Variants in DLC1 observed in about 807,000 individuals in gnomAD.
DLC1 encodes the protein DLC1 Rho GTPase activating protein.
DLC1 carries 54 observed loss-of-function variants against 140.3 expected under a neutral mutation model. That is an observed-to-expected ratio of 0.38 (90% CI 0.31 to 0.48). DLC1 has a LOEUF of 0.48. Ranked by LOEUF, DLC1 falls within the 20% of genes least tolerant of loss-of-function variation. The pLI, the probability that DLC1 is intolerant of heterozygous loss-of-function variation, is 0.96. For synonymous variants in DLC1, 986 were observed against 728.1 expected, an observed-to-expected ratio of 1.35 and a Z score of -5.70; for missense variants, 2,536 against 1,907.0, an observed-to-expected ratio of 1.33 and a Z score of -6.14.
chr8:13,112,770 C>T (rs2128948536), intron 6 of DLC1, among the ~76,000 whole-genome samples: 1 of 152,252 alleles, frequency 6.6e-6, no homozygotes, highest in East Asian at 1.9e-4. Context: ...TGGCCTTGAA[C>T]TCCTGGCCTC....
intron 1 of DLC1, among the ~76,000 whole-genome samples, chr8:13,553,963 C>T (rs1376414360): frequency 6.6e-6 from 1 of 152,094 alleles, no homozygotes; most frequent in African/African-American, 2.4e-5. Context: ...TCTAACATCC[C>T]TGCCCCCTTG....
At chr8:13,102,987 A>G (rs1035958142) in intron 7 of DLC1, 134 bp from the exon 8 acceptor site, 2 of 714,122 alleles carry the variant, frequency 2.8e-6, no homozygotes, top group Admixed American at 6.0e-5. Flanking sequence ...CTAGAGGAGT[A>G]TTAGAAACTT....
chr8:13,393,485 T>C, intron 4 of DLC1, 68 bp downstream of exon 4: 1 of 1,484,978 alleles, frequency 6.7e-7, no homozygotes, highest in Non-Finnish European at 9.1e-7. Flanking sequence ...ATCGAATGAA[T>C]ATCAACTCTT....
At chr8:13,352,442 G>A (rs751413427) in intron 4 of DLC1, among the ~76,000 whole-genome samples, 55 of 152,044 alleles carry the variant, frequency 3.6e-4, no homozygotes, top group Non-Finnish European at 2.2e-4. Context: ...ACTGCAGTGG[G>A]GTGATCACAG....
intron 2 of DLC1, among the ~76,000 whole-genome samples, chr8:13,407,123 T>C (rs532963777): frequency 6.6e-6 from 1 of 152,342 alleles, no homozygotes; most frequent in East Asian, 1.9e-4. Flanking sequence ...CAATTTGATT[T>C]ACTGTCAGAA....
chr8:13,129,600 C>T (rs954043644), intron 5 of DLC1, among the ~76,000 whole-genome samples: 11 of 152,180 alleles, frequency 7.2e-5, no homozygotes, highest in African/African-American at 2.7e-4. Context: ...AGTTCTCTCC[C>T]ACTAGATCCC....
intron 5 of DLC1, among the ~76,000 whole-genome samples, chr8:13,134,221 G>C (rs144589289): frequency 6.6e-6 from 1 of 152,306 alleles, no homozygotes; most frequent in African/African-American, 2.4e-5. Context: ...AAAAAATCCA[G>C]AACTGGATTC....
intron 1 of DLC1, among the ~76,000 whole-genome samples, chr8:13,569,954 G>A (rs1002841959): frequency 1.3e-5 from 2 of 152,164 alleles, no homozygotes; most frequent in African/African-American, 4.8e-5. Flanking sequence ...TGGAATTCCT[G>A]AGCTCAAGCA....
intron 5 of DLC1, among the ~76,000 whole-genome samples, chr8:13,212,538 T>C (rs894244376): frequency 6.6e-6 from 1 of 152,102 alleles, no homozygotes. Flanking sequence ...GGTTTTGGTA[T>C]TGCTCTGGGC....
At chr8:13,406,881 T>C (rs184981942) in intron 2 of DLC1, among the ~76,000 whole-genome samples, 2 of 152,294 alleles carry the variant, frequency 1.3e-5, no homozygotes, top group East Asian at 1.9e-4. Flanking sequence ...GAGGAAAAAG[T>C]ATTTAGCTGA....
At chr8:13,461,022 G>A (rs192689562) in intron 2 of DLC1, among the ~76,000 whole-genome samples, 2 of 152,298 alleles carry the variant, frequency 1.3e-5, no homozygotes, top group East Asian at 3.9e-4. Context: ...AGATGAGCCT[G>A]GGCAACAGAG....
chr8:13,450,749 T>C (rs1287538671), intron 2 of DLC1, among the ~76,000 whole-genome samples: 5 of 151,466 alleles, frequency 3.3e-5, no homozygotes, highest in African/African-American at 9.7e-5. Flanking sequence ...CCAATGAAAA[T>C]AAAGATAGAG....
intron 5 of DLC1, among the ~76,000 whole-genome samples, chr8:13,301,912 T>A (rs1832210901): frequency 6.6e-6 from 1 of 152,122 alleles, no homozygotes; most frequent in East Asian, 1.9e-4. Context: ...AACCCTCCCC[T>A]ACCCAACTCC....
chr8:13,404,147 C>T (rs1563319310), intron 2 of DLC1, among the ~76,000 whole-genome samples: 1 of 151,996 alleles, frequency 6.6e-6, no homozygotes, highest in South Asian at 2.1e-4. Context: ...ATTTTAAGAT[C>T]AAAGTGGAAT....
rs962277713 is a variant in DLC1 at position 13,090,546 on chromosome 8, TG to T, written c.3856-77del. ...CTCAATGCCCATCAGTGGAAAAGAC[TG>T]GGTAGGAACAATGGCCTGGTCCTTA... On this transcript the variant is annotated intron_variant, in intron 14 of 17. Coordinates refer to ENST00000276297, the MANE Select transcript of DLC1 (RefSeq NM_182643.3). 4 of 1,540,800 alleles carry T rather than the reference TG, an allele frequency of 2.6e-6. No individual in the cohort carries two copies. The African/African-American group carries it at 5.4e-5, about 21-fold the overall frequency.
chr8:13,424,492 A>G (rs1352221401), intron 2 of DLC1, among the ~76,000 whole-genome samples: 1 of 152,118 alleles, frequency 6.6e-6, no homozygotes, highest in Non-Finnish European at 1.5e-5. Flanking sequence ...CTGTCTCAAA[A>G]AATAATAATA....
At chr8:13,102,296 G>A (rs952710312) in intron 8 of DLC1, among the ~76,000 whole-genome samples, 3 of 152,138 alleles carry the variant, frequency 2.0e-5, no homozygotes, top group African/African-American at 7.2e-5. Context: ...AACTGTGTGG[G>A]ATCTCCTGCC....
intron 2 of DLC1, among the ~76,000 whole-genome samples, chr8:13,440,827 C>T (rs146016507): frequency 6.7e-4 from 102 of 152,208 alleles, no homozygotes; most frequent in Middle Eastern, 6.8e-3. Flanking sequence ...GCTGCTGCCA[C>T]GTAAGAAGTG....
intron 2 of DLC1, among the ~76,000 whole-genome samples, chr8:13,422,963 G>A (rs557358216): frequency 2.6e-5 from 4 of 152,220 alleles, no homozygotes; most frequent in East Asian, 1.9e-4. Context: ...CCATGGAAGC[G>A]CATGGTGTGA....
Sources: allele counts gnomAD v4.1 joint callset (sites outside exome capture counted in the v4.1 genomes callset), GRCh38; gene constraint gnomAD v4.1.1; transcripts MANE v1.5; gene names NCBI Gene and HGNC (gene_info 2026-07-23, HGNC 2026-07-21).